OXR1: variants seen among roughly 807,000 people sequenced by gnomAD.
The protein encoded by OXR1 is oxidation resistance 1.
In OXR1, 41 loss-of-function variants were observed where a neutral mutation model predicts 104.6. The observed-to-expected ratio is 0.39, with a 90% CI of 0.31 to 0.51. The LOEUF is 0.51. OXR1 is among the 20% of genes least tolerant of loss of function. OXR1 has a pLI of 0.77. For synonymous variants in OXR1, 348 were observed against 348.4 expected, an observed-to-expected ratio of 1.00 and a Z score of 0.01; for missense variants, 955 against 1,031.9, an observed-to-expected ratio of 0.93 and a Z score of 1.02.
chr8:106,399,794 A>C (rs989163099), intron 2 of OXR1, among the ~76,000 whole-genome samples: 1 of 152,168 alleles, frequency 6.6e-6, no homozygotes, highest in Non-Finnish European at 1.5e-5. Context: ...CCACACAGCT[A>C]ATTAGTGGTA....
intron 2 of OXR1, among the ~76,000 whole-genome samples, chr8:106,478,874 T>C (rs551338933): frequency 3.3e-5 from 5 of 151,948 alleles, no homozygotes; most frequent in Admixed American, 6.6e-5. Flanking sequence ...AGTGTGTATA[T>C]ACGTATATGT....
chr8:106,442,009 C>G (rs543205042), intron 2 of OXR1, among the ~76,000 whole-genome samples: 245 of 152,238 alleles, frequency 1.6e-3, no homozygotes, highest in African/African-American at 5.7e-3. Context: ...AAAGGGAATG[C>G]TTCCAGCTGT....
intron 3 of OXR1, among the ~76,000 whole-genome samples, chr8:106,548,721 A>C (rs1225959462): frequency 6.6e-6 from 1 of 152,232 alleles, no homozygotes; most frequent in Non-Finnish European, 1.5e-5. Context: ...GAATGGCTAC[A>C]TATAAAGGAG....
chr8:106,325,292 A>C (rs1814422581), intron 1 of OXR1, among the ~76,000 whole-genome samples: 1 of 152,216 alleles, frequency 6.6e-6, no homozygotes, highest in African/African-American at 2.4e-5. Context: ...ATTCTTTCTG[A>C]ATCTACAAAA....
chr8:106,593,269 G>A (rs1275976701), intron 3 of OXR1, among the ~76,000 whole-genome samples: 1 of 152,094 alleles, frequency 6.6e-6, no homozygotes, highest in Non-Finnish European at 1.5e-5. Context: ...AAGGGCACCC[G>A]ACCCGCCGGA....
intron 3 of OXR1, among the ~76,000 whole-genome samples, chr8:106,615,520 A>T (rs1218951867): frequency 6.7e-6 from 1 of 150,366 alleles, no homozygotes; most frequent in Non-Finnish European, 1.5e-5. Flanking sequence ...AGGTGGGAGG[A>T]TGGCTTGAGC....
intron 3 of OXR1, among the ~76,000 whole-genome samples, chr8:106,528,285 A>G (rs1288167229): frequency 1.3e-5 from 2 of 152,228 alleles, no homozygotes; most frequent in East Asian, 3.8e-4. Context: ...TTGTCAAAAT[A>G]TTAAGTTGGG....
chr8:106,687,812 A>G (rs1400483487), intron 6 of OXR1, among the ~76,000 whole-genome samples: 1 of 152,118 alleles, frequency 6.6e-6, no homozygotes, highest in East Asian at 1.9e-4. Flanking sequence ...ACAGAGGAAG[A>G]GAAGTTAATT....
intron 7 of OXR1, among the ~76,000 whole-genome samples, chr8:106,702,073 G>A (rs552436217): frequency 1.9e-4 from 29 of 152,228 alleles, no homozygotes; most frequent in African/African-American, 5.8e-4. Flanking sequence ...GGGTTCAAGC[G>A]ATTTGCATGC....
chr8:106,330,769 C>G (rs1294746330), intron 1 of OXR1, among the ~76,000 whole-genome samples: 2 of 152,200 alleles, frequency 1.3e-5, no homozygotes, highest in Non-Finnish European at 2.9e-5. Flanking sequence ...GTGTGAAGAA[C>G]TACTGGCCCT....
intron 1 of OXR1, among the ~76,000 whole-genome samples, chr8:106,315,985 GATAATCT>G (rs1813917978): frequency 1.3e-5 from 2 of 152,210 alleles, no homozygotes; most frequent in Non-Finnish European, 2.9e-5. Flanking sequence ...TTTAAAAACA[GATAATCT>G]ATAGGTTAGA....
At chr8:106,674,751 A>T (rs1236376126) in intron 3 of OXR1, among the ~76,000 whole-genome samples, 1 of 152,086 alleles carries the variant, frequency 6.6e-6, no homozygotes, top group Admixed American at 6.5e-5. Flanking sequence ...TGTTCTTGTG[A>T]TAGTGAGTTC....
At chr8:106,400,373 C>T (rs186536417) in intron 2 of OXR1, among the ~76,000 whole-genome samples, 2 of 152,236 alleles carry the variant, frequency 1.3e-5, no homozygotes, top group East Asian at 3.9e-4. Flanking sequence ...AGCAAATCAA[C>T]TCCATTGGGT....
chr8:106,420,161 A>C (rs1056617838), intron 2 of OXR1, among the ~76,000 whole-genome samples: 1 of 152,140 alleles, frequency 6.6e-6, no homozygotes, highest in African/African-American at 2.4e-5. Context: ...CTGACACTGA[A>C]GCAAAGCTGA....
At chr8:106,461,577 A>G (rs1425985261) in intron 2 of OXR1, among the ~76,000 whole-genome samples, 1 of 152,146 alleles carries the variant, frequency 6.6e-6, no homozygotes, top group Non-Finnish European at 1.5e-5. Context: ...ATAAAAACAA[A>G]TAAATAAAGG....
chr8:106,507,031 A>C (rs1161380453), intron 2 of OXR1, among the ~76,000 whole-genome samples: 1 of 151,846 alleles, frequency 6.6e-6, no homozygotes, highest in Non-Finnish European at 1.5e-5. Flanking sequence ...CAGAGGCTGC[A>C]GTGAGCTATA....
intron 11 of OXR1, among the ~76,000 whole-genome samples, chr8:106,723,611 A>G (rs898252833): frequency 6.6e-6 from 1 of 151,812 alleles, no homozygotes; most frequent in Non-Finnish European, 1.5e-5. Flanking sequence ...GGCGGAGGTT[A>G]CAGTGAGCAG....
chr8:106,471,739 T>A (rs916215440), intron 2 of OXR1, among the ~76,000 whole-genome samples: 1 of 151,862 alleles, frequency 6.6e-6, no homozygotes, highest in African/African-American at 2.4e-5. Flanking sequence ...TTCTGAAAGA[T>A]AAGTTTCAAA....
intron 1 of OXR1, among the ~76,000 whole-genome samples, chr8:106,343,552 T>C (rs142601892): frequency 2.0e-5 from 3 of 152,298 alleles, no homozygotes; most frequent in African/African-American, 7.2e-5. Flanking sequence ...AGAAAGAAAC[T>C]AGAAACTCCA....
Sources: gnomAD v4.1 joint callset for allele counts (sites outside exome capture counted in the v4.1 genomes callset) on GRCh38, gnomAD v4.1.1 for gene constraint, MANE v1.5 for transcripts, NCBI Gene and HGNC (gene_info 2026-07-23, HGNC 2026-07-21) for gene names.